The following CAPZB variants were observed in gnomAD, a reference collection of about 807,000 sequenced individuals.
CAPZB encodes the protein F-actin-capping protein subunit beta.
Under a neutral mutation model 38.1 loss-of-function variants are expected in CAPZB, and 2 were observed. That is an observed-to-expected ratio of 0.05 (90% CI 0.02 to 0.17). The LOEUF (loss-of-function observed/expected upper bound fraction) is 0.17. Ranked by LOEUF, CAPZB falls within the 10% of genes least tolerant of loss-of-function variation. The pLI is 1.00. For synonymous variants in CAPZB, 107 were observed against 127.4 expected, an observed-to-expected ratio of 0.84 and a Z score of 1.08; for missense variants, 161 against 334.2, an observed-to-expected ratio of 0.48 and a Z score of 4.04.
intron 2 of CAPZB, among the ~76,000 whole-genome samples, chr1:19,410,830 A>T (rs944690906): frequency 6.6e-6 from 1 of 152,188 alleles, no homozygotes; most frequent in Non-Finnish European, 1.5e-5. Flanking sequence ...AGTGGAAAAT[A>T]CTGACTGGAA....
At chr1:19,463,056 CCAG>C (rs2094557296) in intron 1 of CAPZB, among the ~76,000 whole-genome samples, 1 of 152,186 alleles carries the variant, frequency 6.6e-6, no homozygotes, top group African/African-American at 2.4e-5. Flanking sequence ...CTGTTCTCAT[CCAG>C]CAGATTTAGT....
intron 6 of CAPZB, among the ~76,000 whole-genome samples, chr1:19,352,724 G>T (rs527920571): frequency 6.6e-6 from 1 of 152,354 alleles, no homozygotes; most frequent in East Asian, 1.9e-4. Context: ...GCGGGAATTT[G>T]CCAGAATACT....
At chr1:19,394,994 A>C (rs2094258561) in intron 2 of CAPZB, among the ~76,000 whole-genome samples, 1 of 152,156 alleles carries the variant, frequency 6.6e-6, no homozygotes, top group Non-Finnish European at 1.5e-5. Flanking sequence ...GTGAGCGATG[A>C]CACTCTACAG....
In CAPZB at chr1:19,357,275, A is replaced by C. The variant is rs2094026766; in HGVS notation, c.471+147T>G. 6 of 683,548 alleles carry C rather than the reference A, an allele frequency of 8.8e-6. No individual in the cohort carries two copies. Among genetic ancestry groups the C allele is most frequent in the Non-Finnish European group, 1.5e-5 (6 of 392,652 alleles). The allele number at this position is 683,548 out of a possible 1,614,324, so 42.3% of individuals were successfully genotyped here. A position where few individuals can be genotyped will look rare whatever the true frequency, so the allele number is the denominator to read the frequency against. On this transcript the variant is annotated intron_variant, in intron 5 of 8. Coordinates refer to ENST00000264202, the MANE Select transcript of CAPZB (RefSeq NM_004930.5). The surrounding 1 kb of genome is among the most constrained non-coding windows in gnomAD (Gnocchi z 4.3). ...CAATGACTACTGCAGACTTATCTTT[A>C]TCCAAATGGCTTTGAGGCATTTCTC...
At chr1:19,379,002 C>T (rs2094158470) in intron 3 of CAPZB, among the ~76,000 whole-genome samples, 1 of 152,164 alleles carries the variant, frequency 6.6e-6, no homozygotes, top group Admixed American at 6.5e-5. Context: ...GATCAAGCGC[C>T]CAGCCCAGAG....
At chr1:19,434,550 C>CTT (rs11483583) in intron 1 of CAPZB, among the ~76,000 whole-genome samples, 43,244 of 146,812 alleles carry the variant, frequency 0.29, 6,570 homozygotes, top group Middle Eastern at 0.38. Flanking sequence ...CAGAGTAAGC[C>CTT]TTTTTTTTTT....
intron 8 of CAPZB, among the ~76,000 whole-genome samples, chr1:19,342,430 AG>A (rs2093934889): frequency 6.6e-6 from 1 of 152,250 alleles, no homozygotes; most frequent in South Asian, 2.1e-4. Flanking sequence ...GGGGACAGTC[AG>A]GCCGGTGCAC....
chr1:19,435,467 A>G (rs1353278649), intron 1 of CAPZB, among the ~76,000 whole-genome samples: 1 of 152,216 alleles, frequency 6.6e-6, no homozygotes, highest in African/African-American at 2.4e-5. Context: ...CACCACCTAA[A>G]GCAGGCTCTG....
intron 6 of CAPZB, among the ~76,000 whole-genome samples, chr1:19,347,483 A>G (rs2093968342): frequency 6.6e-6 from 1 of 152,090 alleles, no homozygotes; most frequent in Non-Finnish European, 1.5e-5. Flanking sequence ...ACATTTCCAC[A>G]GCCCCCCACC....
chr1:19,436,084 G>T (rs1223504577), intron 1 of CAPZB, among the ~76,000 whole-genome samples: 3 of 152,214 alleles, frequency 2.0e-5, no homozygotes, highest in Non-Finnish European at 4.4e-5. Flanking sequence ...TAACACAGTA[G>T]TCACCCCTTA....
rs562485034 is a variant in CAPZB at position 19,461,918 on chromosome 1, T to C, written c.3+23518A>G. Among the ~76,000 whole-genome samples the C allele has an allele frequency of 7.2e-5, 11 of 152,360 alleles. No homozygotes were observed. The South Asian group carries it at 1.4e-3, about 20-fold the overall frequency. ...TAAGTGAGATGATGCATTGACTTAATGTCTTGAATACTGTCTCTGGCACAC... is the reference window on the plus strand; with the variant it reads ...TAAGTGAGATGATGCATTGACTTAACGTCTTGAATACTGTCTCTGGCACAC... On this transcript the variant is annotated intron_variant, in intron 1 of 8. Transcript: ENST00000264202.
At chr1:19,424,147 CTAATATA>C (rs2094413087) in intron 1 of CAPZB, among the ~76,000 whole-genome samples, 4 of 151,930 alleles carry the variant, frequency 2.6e-5, no homozygotes, top group Admixed American at 1.3e-4. Context: ...GTGTTTTAGA[CTAATATA>C]ACAAGGCTTT....
At chr1:19,463,144 T>A (rs1165543887) in intron 1 of CAPZB, among the ~76,000 whole-genome samples, 1 of 152,206 alleles carries the variant, frequency 6.6e-6, no homozygotes, top group African/African-American at 2.4e-5. Flanking sequence ...AATCTGCATA[T>A]TCCTGTCAAG....
chr1:19,351,725 G>C (rs1187015303), intron 6 of CAPZB, among the ~76,000 whole-genome samples: 1 of 152,150 alleles, frequency 6.6e-6, no homozygotes, highest in Admixed American at 6.5e-5. Flanking sequence ...CCTTTTATGA[G>C]ATCTCTCTGC....
chr1:19,392,866 C>T (rs1224651468), intron 2 of CAPZB, among the ~76,000 whole-genome samples: 3 of 152,322 alleles, frequency 2.0e-5, no homozygotes, highest in Non-Finnish European at 4.4e-5. Context: ...TACAAGAGCA[C>T]ATGCTGGGAA....
chr1:19,470,238 AAT>A (rs1347458333), intron 1 of CAPZB, among the ~76,000 whole-genome samples: 1 of 150,946 alleles, frequency 6.6e-6, no homozygotes, highest in Admixed American at 6.6e-5. Context: ...AAAAATAAAA[AAT>A]AGTCCATTGC....
At chr1:19,476,279 T>C (rs1369652028) in intron 1 of CAPZB, among the ~76,000 whole-genome samples, 2 of 152,242 alleles carry the variant, frequency 1.3e-5, no homozygotes, top group East Asian at 3.9e-4. Context: ...TGGCAGGCAC[T>C]GTGGCACATG....
At chr1:19,440,113 A>C (rs961656693) in intron 1 of CAPZB, among the ~76,000 whole-genome samples, 1 of 152,234 alleles carries the variant, frequency 6.6e-6, no homozygotes, top group Non-Finnish European at 1.5e-5. Flanking sequence ...AGAACCATTC[A>C]GGAAATACCT....
chr1:19,472,672 T>C (rs942204765), intron 1 of CAPZB, among the ~76,000 whole-genome samples: 1 of 151,986 alleles, frequency 6.6e-6, no homozygotes, highest in Non-Finnish European at 1.5e-5. Flanking sequence ...GGTTCCATTT[T>C]AGATGAAGAG....
Sources: gnomAD v4.1 joint callset for allele counts (sites outside exome capture counted in the v4.1 genomes callset) on GRCh38, gnomAD v4.1.1 for gene constraint, Gnocchi (gnomAD v3.1) non-coding constraint, MANE v1.5 for transcripts, NCBI Gene and HGNC (gene_info 2026-07-23, HGNC 2026-07-21) for gene names.